The following PPM1H variants were observed in gnomAD, a reference collection of about 807,000 sequenced individuals.
PPM1H encodes protein phosphatase 1H.
PPM1H carries 27 observed loss-of-function variants against 54.9 expected under a neutral mutation model. The observed-to-expected ratio is 0.49, with a 90% CI of 0.36 to 0.68. The LOEUF (loss-of-function observed/expected upper bound fraction) is 0.68. PPM1H is among the 30% of genes least tolerant of loss of function. The pLI is 0.00. For synonymous variants in PPM1H, 305 were observed against 270.8 expected, an observed-to-expected ratio of 1.13 and a Z score of -1.24; for missense variants, 596 against 667.8, an observed-to-expected ratio of 0.89 and a Z score of 1.19.
At chr12:62,697,370 G>A (rs756982914) in intron 6 of PPM1H, among the ~76,000 whole-genome samples, 3 of 151,902 alleles carry the variant, frequency 2.0e-5, no homozygotes, top group Non-Finnish European at 4.4e-5. Context: ...TGCCCACCTC[G>A]GCCTCCCAAA....
chr12:62,697,190 G>A (rs1171529467), intron 6 of PPM1H, among the ~76,000 whole-genome samples: 2 of 150,974 alleles, frequency 1.3e-5, no homozygotes, highest in African/African-American at 4.9e-5. Flanking sequence ...ACAATGGTGC[G>A]ATCTCGGCTC....
chr12:62,745,073 T>C (rs952708536), intron 4 of PPM1H, among the ~76,000 whole-genome samples: 6 of 152,204 alleles, frequency 3.9e-5, no homozygotes, highest in Non-Finnish European at 2.9e-5. Context: ...GGTTGTTACT[T>C]TCTGTTTGGT....
intron 4 of PPM1H, among the ~76,000 whole-genome samples, chr12:62,757,830 G>A (rs573851008): frequency 2.8e-4 from 43 of 152,292 alleles, no homozygotes; most frequent in Middle Eastern, 3.4e-3. Context: ...CACAGAACAA[G>A]AGGCTCTTAG....
chr12:62,737,230 AAAC>A (rs1473939836), intron 5 of PPM1H, among the ~76,000 whole-genome samples: 2 of 150,812 alleles, frequency 1.3e-5, no homozygotes, highest in African/African-American at 2.5e-5. Flanking sequence ...AAAAAAAAAA[AAAC>A]AAAAAAAACA....
intron 1 of PPM1H, among the ~76,000 whole-genome samples, chr12:62,901,182 C>T (rs1306360381): frequency 6.6e-6 from 1 of 152,232 alleles, no homozygotes; most frequent in Non-Finnish European, 1.5e-5. Context: ...TTCTGTTGCA[C>T]AATGAATATT....
chr12:62,655,392 A>AGAACT (rs1427371559), intron 9 of PPM1H, among the ~76,000 whole-genome samples: 1 of 152,220 alleles, frequency 6.6e-6, no homozygotes, highest in African/African-American at 2.4e-5. Context: ...CTGAAGGAAA[A>AGAACT]GAACTGCTTC....
At chr12:62,756,033 C>T in intron 4 of PPM1H, 1 of 1,411,122 alleles carries the variant, frequency 7.1e-7, no homozygotes, top group Non-Finnish European at 9.9e-7. Flanking sequence ...CCGAGACCCC[C>T]TCAAGGGCAT....
intron 8 of PPM1H, among the ~76,000 whole-genome samples, chr12:62,684,273 T>A (rs2076039809): frequency 1.3e-5 from 2 of 152,092 alleles, no homozygotes; most frequent in African/African-American, 4.8e-5. Context: ...GGTGAGGGCC[T>A]CTCTTGGAAT....
intron 2 of PPM1H, among the ~76,000 whole-genome samples, chr12:62,814,922 G>C (rs1165435199): frequency 6.6e-6 from 1 of 152,150 alleles, no homozygotes; most frequent in Non-Finnish European, 1.5e-5. Flanking sequence ...AAACTTTCTG[G>C]CCAGTTTTCC....
intron 4 of PPM1H, among the ~76,000 whole-genome samples, chr12:62,759,735 G>A (rs2120605940): frequency 6.6e-6 from 1 of 150,748 alleles, no homozygotes; most frequent in South Asian, 2.1e-4. Context: ...ACTTTCCTGG[G>A]GGGCAAGCAC....
chr12:62,797,945 A>G (rs2663954), intron 3 of PPM1H, among the ~76,000 whole-genome samples: 31,506 of 152,132 alleles, frequency 0.21, 4,292 homozygotes, highest in African/African-American at 0.39. Flanking sequence ...GCACCCACTG[A>G]CCCAGTCCCC....
At chr12:62,869,668 T>C (rs1869909909) in intron 1 of PPM1H, among the ~76,000 whole-genome samples, 1 of 152,198 alleles carries the variant, frequency 6.6e-6, no homozygotes, top group Non-Finnish European at 1.5e-5. Context: ...TCAAAGTCCT[T>C]GCAAGGACTT....
intron 1 of PPM1H, among the ~76,000 whole-genome samples, chr12:62,898,614 C>A (rs1184102850): frequency 2.0e-5 from 3 of 152,150 alleles, no homozygotes; most frequent in Admixed American, 6.5e-5. Context: ...CTGTCTTTTT[C>A]AGGGCTCAAA....
At chr12:62,840,937 A>G (rs968913744) in intron 1 of PPM1H, among the ~76,000 whole-genome samples, 1 of 152,118 alleles carries the variant, frequency 6.6e-6, no homozygotes, top group Non-Finnish European at 1.5e-5. Flanking sequence ...AGTCCTAGTG[A>G]CAAAGAGGTT....
At chr12:62,848,932 G>T (rs1297012808) in intron 1 of PPM1H, among the ~76,000 whole-genome samples, 2 of 152,068 alleles carry the variant, frequency 1.3e-5, no homozygotes, top group South Asian at 2.1e-4. Flanking sequence ...TGGGGACTAG[G>T]ATAATGGGGA....
chr12:62,691,420 C>T (rs1004425605), intron 7 of PPM1H, among the ~76,000 whole-genome samples: 1 of 152,138 alleles, frequency 6.6e-6, no homozygotes, highest in Non-Finnish European at 1.5e-5. Flanking sequence ...AGACTGTCAA[C>T]AGGGCTGTGA....
intron 6 of PPM1H, among the ~76,000 whole-genome samples, chr12:62,709,567 C>T (rs1487702814): frequency 6.6e-6 from 1 of 152,166 alleles, no homozygotes; most frequent in African/African-American, 2.4e-5. Context: ...TTCAAACAAT[C>T]TTCTCCAGGA....
At chr12:62,892,670 A>C (rs773825755) in intron 1 of PPM1H, among the ~76,000 whole-genome samples, 2 of 152,218 alleles carry the variant, frequency 1.3e-5, no homozygotes, top group Non-Finnish European at 2.9e-5. Flanking sequence ...GTATACATCA[A>C]CACAATTGTT....
chr12:62,730,608 G>A (rs553239341), intron 5 of PPM1H, among the ~76,000 whole-genome samples: 2 of 152,180 alleles, frequency 1.3e-5, no homozygotes, highest in East Asian at 3.9e-4. Flanking sequence ...CACAGCATTT[G>A]AGAGAAAGTA....
Sources: gnomAD v4.1 joint callset for allele counts (sites outside exome capture counted in the v4.1 genomes callset) on GRCh38, gnomAD v4.1.1 for gene constraint, MANE v1.5 for transcripts, NCBI Gene and HGNC (gene_info 2026-07-23, HGNC 2026-07-21) for gene names.